The following RP1L1 variants were observed in gnomAD, a reference collection of about 807,000 sequenced individuals.
The protein encoded by RP1L1 is retinitis pigmentosa 1-like 1 protein.
In RP1L1, 27 loss-of-function variants were observed where a neutral mutation model predicts 15.7. The observed-to-expected ratio is 1.72, with a 90% confidence interval of 1.27 to 2.38. RP1L1 has a LOEUF of 2.38. Among genes scored for constraint, RP1L1 ranks in the 30% most tolerant of loss-of-function variants. The probability of loss-of-function intolerance (pLI) is 0.00; values close to 1 mark genes in which losing one functional copy is unlikely to be tolerated. For synonymous variants in RP1L1, 1,813 were observed against 1,276.7 expected, an observed-to-expected ratio of 1.42 and a Z score of -8.96; for missense variants, 4,798 against 3,075.9, an observed-to-expected ratio of 1.56 and a Z score of -13.24.
chr8:10,651,755 T>TCA (rs1403566108), intron 1 of RP1L1, among the ~76,000 whole-genome samples: 2 of 101,760 alleles, frequency 2.0e-5, no homozygotes, highest in Non-Finnish European at 4.0e-5. Flanking sequence ...GACTCCGTCT[T>TCA]AAAAAAAAAA....
intron 1 of RP1L1, among the ~76,000 whole-genome samples, chr8:10,626,676 T>G (rs2117233888): frequency 6.6e-6 from 1 of 152,272 alleles, no homozygotes; most frequent in East Asian, 1.9e-4. Flanking sequence ...GACACGCCAT[T>G]CATTGCAAAG....
chr8:10,631,432 C>G (rs1172326481), intron 1 of RP1L1, among the ~76,000 whole-genome samples: 1 of 149,468 alleles, frequency 6.7e-6, no homozygotes, highest in Non-Finnish European at 1.5e-5. Flanking sequence ...CACATGCGCG[C>G]ACACACACGC....
Position 10,610,282 on chromosome 8 carries a change from A to G in RP1L1, c.3816T>C (p.Asn1272=). The G allele has an allele frequency of 6.2e-7, 1 of 1,613,932 alleles. No homozygotes were observed. The highest frequency in any genetic ancestry group is 8.5e-7 in the Non-Finnish European group (1 of 1,179,998). ...CACTGTCTCTTTCTGCTTCATCCTC[A>G]TTGGTGGCACAAGCGCAGGCTCGGG... ...LNARACACAT[N]EDEAERDSEE... The change falls in exon 4 of 4, where the codon AAT becomes AAC. Residue 1272 remains asparagine, a synonymous_variant. Transcript: ENST00000382483.
chr8:10,630,498 G>A (rs1798224882), intron 1 of RP1L1, among the ~76,000 whole-genome samples: 1 of 152,218 alleles, frequency 6.6e-6, no homozygotes, highest in Non-Finnish European at 1.5e-5. Flanking sequence ...GAGTTGTCAA[G>A]GACAGGTTGA....
rs12676682 is a variant in RP1L1, at chr8:10,616,683, T to C, written c.610-96A>G. On this transcript the variant is annotated intron_variant, in intron 2 of 3. Coordinates refer to ENST00000382483, the MANE Select transcript of RP1L1 (RefSeq NM_178857.6). ...GAAGGATCCAGTCTCACCAGCCCTGTCCTGATTTCTGCACATCTCACCCCA... is the reference window on the plus strand; with the variant it reads ...GAAGGATCCAGTCTCACCAGCCCTGCCCTGATTTCTGCACATCTCACCCCA... 2.2e-6 allele frequency: 3 copies of C among 1,383,092 alleles called. No individual in the cohort carries two copies. The East Asian group carries it at 7.4e-5, about 34-fold the overall frequency. 85.7% of individuals were successfully genotyped at this position (1,383,092 alleles called of 1,614,324 possible).
chr8:10,649,267 G>C (rs921948952), intron 1 of RP1L1, among the ~76,000 whole-genome samples: 3 of 152,164 alleles, frequency 2.0e-5, no homozygotes, highest in South Asian at 2.1e-4. Context: ...CCAAACTCTT[G>C]TACTCATGGC....
At chr8:10,650,113 C>T (rs912290689) in intron 1 of RP1L1, among the ~76,000 whole-genome samples, 7 of 152,196 alleles carry the variant, frequency 4.6e-5, no homozygotes, top group African/African-American at 1.7e-4. Flanking sequence ...TCTCTTCTTG[C>T]TTCTGGGGAT....
chr8:10,641,308 C>T (rs1260853426), intron 1 of RP1L1, among the ~76,000 whole-genome samples: 1 of 152,194 alleles, frequency 6.6e-6, no homozygotes, highest in Non-Finnish European at 1.5e-5. Context: ...CCTAGAGCAG[C>T]TTGGATCCTG....
At chr8:10,654,270 C>T (rs192390183) in intron 1 of RP1L1, among the ~76,000 whole-genome samples, 65 of 152,262 alleles carry the variant, frequency 4.3e-4, no homozygotes, top group Middle Eastern at 3.4e-3. Flanking sequence ...TCCATGACTT[C>T]ATCTGTCCGG....
At chr8:10,636,622 T>A (rs1798333986) in intron 1 of RP1L1, among the ~76,000 whole-genome samples, 1 of 152,042 alleles carries the variant, frequency 6.6e-6, no homozygotes, top group African/African-American at 2.4e-5. Flanking sequence ...GGAAGAACTG[T>A]TGTTTTAACT....
At chr8:10,647,869 G>C (rs1397319301) in intron 1 of RP1L1, among the ~76,000 whole-genome samples, 2 of 152,180 alleles carry the variant, frequency 1.3e-5, no homozygotes, top group Non-Finnish European at 2.9e-5. Flanking sequence ...AAGAGGAATT[G>C]CTGGATCCTA....
Position 10,610,096 on chromosome 8 carries a change from C to T in RP1L1, c.4002G>A (p.Glu1334=), listed in dbSNP as rs749598085. The T allele has an allele frequency of 4.2e-4, 610 of 1,467,076 alleles. 16 individuals carry two copies. The highest frequency in any genetic ancestry group is 7.2e-4 in the Admixed American group (36 of 49,792). 90.9% of individuals were successfully genotyped at this position (1,467,076 alleles called of 1,614,324 possible). A position where few individuals can be genotyped will look rare whatever the true frequency, so the allele number is the denominator to read the frequency against. The change falls in exon 4 of 4, where the codon GAG becomes GAA. Residue 1334 remains glutamate (E), a synonymous_variant. Coordinates refer to ENST00000382483, the MANE Select transcript of RP1L1 (RefSeq NM_178857.6). ...ETKTEEGLQE[E]GVQLEETKET... ...CTTTAGTTTCCTCTAACTGCACCCC[C>T]TCTTCTTGCAGCCCTTCTTCTGTTT... is the stretch of plus-strand genomic sequence containing the variant.
rs763155609 is a variant in RP1L1 at position 10,609,229 on chromosome 8, G to T, written c.4869C>A (p.Thr1623=). The T allele has an allele frequency of 4.3e-6, 7 of 1,609,386 alleles. No individual in the cohort carries two copies. Among genetic ancestry groups the T allele is most frequent in the Non-Finnish European group, 5.9e-6 (7 of 1,179,852 alleles). ...TGAAGGAGAGGGGCCCCAGGCCCAG[G>T]GTCCGCTCAGAGAAGGCCGAGAGGT... ...LRNLSAFSER[T]LGLGPLSFTL... is the part of the protein sequence containing the mutation. Residue 1623 remains threonine (T), a synonymous_variant, in exon 4 of 4, where the codon ACC becomes ACA. Coordinates refer to ENST00000382483, the MANE Select transcript of RP1L1 (RefSeq NM_178857.6).
chr8:10,624,279 A>T (rs899178731), intron 1 of RP1L1, among the ~76,000 whole-genome samples: 1 of 152,228 alleles, frequency 6.6e-6, no homozygotes, highest in Non-Finnish European at 1.5e-5. Context: ...CATTAGTAGG[A>T]CATGGCACCG....
At chr8:10,632,054 G>A (rs919772895) in intron 1 of RP1L1, among the ~76,000 whole-genome samples, 2 of 152,170 alleles carry the variant, frequency 1.3e-5, no homozygotes, top group East Asian at 3.9e-4. Flanking sequence ...GGAGCCTTCA[G>A]GGGCCACCAG....
Position 10,609,363 on chromosome 8 carries a change from G to GCTT in RP1L1, c.4732_4734dup (p.Lys1578dup), listed in dbSNP as rs142134028. 2,566 of 1,612,514 alleles carry GCTT rather than the reference G, an allele frequency of 1.6e-3. 33 individuals are homozygous for GCTT. The African/African-American group carries it at 0.029, about 18-fold the overall frequency. On this transcript the variant is annotated inframe_insertion, in exon 4 of 4. Transcript: ENST00000382483. ...ACCATCCTACCCGCCCGGCCCTGGA[G>GCTT]CTTCTGGAGCTCTCTCTTGGTGCTG...
At position 10,607,342 on chromosome 8, in the gene RP1L1, G is replaced by T; in HGVS notation, c.6756C>A (p.Ser2252Arg). The change falls in exon 4 of 4, where the codon AGC (serine) becomes AGA (arginine). Residue 2252 changes from serine to arginine, a missense_variant. Transcript: ENST00000382483. ...EGETQGEKKG[S>R]PQVSLGDGQS... Reference sequence around the variant, plus strand: ...GGCCATCTCCTAGACTGACCTGAGGGCTCCCCTTTTTCTCACCTTGAGTTT... The same window carrying T: ...GGCCATCTCCTAGACTGACCTGAGGTCTCCCCTTTTTCTCACCTTGAGTTT... 1.9e-6 allele frequency: 3 copies of T among 1,614,154 alleles called. No homozygotes were observed. Among genetic ancestry groups the T allele is most frequent in the Non-Finnish European group, 2.5e-6 (3 of 1,180,016 alleles).
At chr8:10,626,758 G>A (rs1487298622) in intron 1 of RP1L1, among the ~76,000 whole-genome samples, 1 of 152,194 alleles carries the variant, frequency 6.6e-6, no homozygotes, top group Non-Finnish European at 1.5e-5. Context: ...GTTTGGGAAA[G>A]ACAGAATGAC....
At position 10,610,670 on chromosome 8, in the gene RP1L1, T is replaced by A; in HGVS notation, c.3428A>T (p.Asp1143Val). ...GAGCAGCTCCTGGTACCGAGGGGAG[T>A]CTTTGAACCTCACTTTGCTGGCAGG... ...GSPASKVRFK[D>V]SPRYQELLSI... Residue 1143 changes from aspartate (D) to valine (V), a missense_variant, in exon 4 of 4, where the codon GAC becomes GTC. Physicochemically the swap from Asp to Val is radical, Grantham distance 152. Coordinates refer to ENST00000382483, the MANE Select transcript of RP1L1 (RefSeq NM_178857.6). The A allele has an allele frequency of 6.2e-7, 1 of 1,611,644 alleles. No homozygotes were observed. The highest frequency in any genetic ancestry group is 8.5e-7 in the Non-Finnish European group (1 of 1,179,100).
Sources: gnomAD v4.1 joint callset for allele counts (sites outside exome capture counted in the v4.1 genomes callset) on GRCh38, gnomAD v4.1.1 for gene constraint, MANE v1.5 for transcripts, NCBI Gene and HGNC (gene_info 2026-07-23, HGNC 2026-07-21) for gene names.